PCDHA1: variants seen among roughly 807,000 people sequenced by gnomAD.
The protein encoded by PCDHA1 is protocadherin alpha-1.
In PCDHA1, 42 loss-of-function variants were observed where a neutral mutation model predicts 61.3. That is an observed-to-expected ratio of 0.69 (90% CI 0.54 to 0.89). PCDHA1 has a LOEUF of 0.89. Among genes scored for constraint, PCDHA1 ranks in the 40% least tolerant of loss-of-function variants. PCDHA1 has a pLI of 0.00. For missense variants in PCDHA1, 1,256 were observed against 1,235.3 expected, an observed-to-expected ratio of 1.02 and a Z score of -0.25; for synonymous variants, 610 against 553.8, an observed-to-expected ratio of 1.10 and a Z score of -1.43.
intron 1 of PCDHA1, chr5:140,927,539 A>G (rs1554204701): frequency 6.2e-7 from 1 of 1,614,112 alleles, no homozygotes; most frequent in Non-Finnish European, 8.5e-7. Flanking sequence ...CGCTCAGGAG[A>G]CGCACAAGTC....
intron 1 of PCDHA1, chr5:140,968,827 C>T (rs1398985109): frequency 1.2e-6 from 2 of 1,614,094 alleles, no homozygotes; most frequent in Non-Finnish European, 1.7e-6. Context: ...TTTCCAAAAT[C>T]CTCCCTGACA....
chr5:140,797,151 G>T, intron 1 of PCDHA1: 1 of 1,613,964 alleles, frequency 6.2e-7, no homozygotes, highest in Non-Finnish European at 8.5e-7. Context: ...CACCCACCGA[G>T]GGTGCGCGCG....
chr5:140,820,432 T>C lies in PCDHA1; in HGVS notation c.2394+31748T>C, dbSNP rs2150106881. Among the ~76,000 whole-genome samples, 49 of 152,136 alleles carry C rather than the reference T, an allele frequency of 3.2e-4. 1 individual carries two copies. The highest frequency in any genetic ancestry group is 2.6e-3 in the Admixed American group (40 of 15,288). On this transcript the variant is annotated intron_variant, in intron 1 of 3. Coordinates refer to ENST00000504120, the MANE Select transcript of PCDHA1 (RefSeq NM_018900.4). Reference sequence around the variant, plus strand: ...AATGTAAAAGTATCCAACAATAGAATTGCTAATCTCTTGGTCCCTCTTGTC... The same window carrying C: ...AATGTAAAAGTATCCAACAATAGAACTGCTAATCTCTTGGTCCCTCTTGTC...
chr5:140,925,641 TATAATA>T (rs10569930), intron 1 of PCDHA1, among the ~76,000 whole-genome samples: 8,694 of 143,320 alleles, frequency 0.061, 267 homozygotes, highest in Non-Finnish European at 0.068. Flanking sequence ...GAACTTAAAG[TATAATA>T]ATAATAATAA....
intron 1 of PCDHA1, chr5:140,849,874 A>G: frequency 6.3e-7 from 1 of 1,598,610 alleles, no homozygotes. Flanking sequence ...CAGTCCGAGT[A>G]CACGGTGTTC....
chr5:140,850,472 G>A (rs2150485623), intron 1 of PCDHA1: 1 of 1,598,076 alleles, frequency 6.3e-7, no homozygotes, highest in South Asian at 1.1e-5. Context: ...AGCCAGCGCT[G>A]ACGGCCACGG....
intron 1 of PCDHA1, chr5:140,841,776 T>C (rs2150322536): frequency 6.2e-7 from 1 of 1,613,906 alleles, no homozygotes; most frequent in Admixed American, 1.7e-5. Flanking sequence ...GACTCTCGGT[T>C]TCCGCTAGAG....
intron 1 of PCDHA1, among the ~76,000 whole-genome samples, chr5:140,975,986 G>C (rs1554237183): frequency 6.6e-6 from 1 of 152,112 alleles, no homozygotes; most frequent in East Asian, 1.9e-4. Context: ...ATAGTCCTGG[G>C]AGGTACCATC....
At chr5:140,969,436 A>G (rs1289383219) in intron 1 of PCDHA1, 2 of 1,549,954 alleles carry the variant, frequency 1.3e-6, no homozygotes, top group Non-Finnish European at 1.7e-6. Flanking sequence ...GACAAGAGTT[A>G]TCTGGTAAAC....
At chr5:140,871,125 G>A (rs1387416665) in intron 1 of PCDHA1, 1 of 1,613,330 alleles carries the variant, frequency 6.2e-7, no homozygotes. Context: ...GCGGACAGGC[G>A]CCAAAGGCCT....
intron 1 of PCDHA1, among the ~76,000 whole-genome samples, chr5:140,952,541 T>G (rs1554220493): frequency 6.6e-6 from 1 of 152,140 alleles, no homozygotes; most frequent in African/African-American, 2.4e-5. Flanking sequence ...CTGGACTTCT[T>G]TGTCCATTTC....
chr5:140,850,953 C>A (rs2150503765), intron 1 of PCDHA1: 2 of 1,483,986 alleles, frequency 1.3e-6, no homozygotes, highest in Non-Finnish European at 1.8e-6. Context: ...TTATCGATTA[C>A]TCCCAGGGGC....
intron 3 of PCDHA1, among the ~76,000 whole-genome samples, chr5:141,002,081 G>T (rs1016567220): frequency 3.3e-5 from 5 of 152,220 alleles, no homozygotes; most frequent in South Asian, 2.1e-4. Flanking sequence ...GCCAAAGAAC[G>T]AGCAGTCCAG....
intron 1 of PCDHA1, among the ~76,000 whole-genome samples, chr5:140,935,239 A>G (rs1554210410): frequency 1.3e-5 from 2 of 152,172 alleles, no homozygotes. Flanking sequence ...TCTATTTTTT[A>G]AAAGATAAAA....
intron 1 of PCDHA1, chr5:140,801,498 G>T (rs569133317): frequency 6.2e-7 from 1 of 1,614,170 alleles, no homozygotes; most frequent in South Asian, 1.1e-5. Context: ...GCGGAGCGCG[G>T]AGTGCAGCAT....
intron 1 of PCDHA1, chr5:140,870,411 C>T: frequency 6.2e-7 from 1 of 1,614,212 alleles, no homozygotes; most frequent in East Asian, 2.2e-5. Context: ...CTCTGTGGGC[C>T]ACGGCCAGGG....
rs1467294389 is a variant in PCDHA1 at position 140,851,714 on chromosome 5, C to T, written c.2394+63030C>T. ...TAAAATGATCAGCCATGTGAAGATT[C>T]GAAACTTCGAGTTCTTTTGAAATTC... On this transcript the variant is annotated intron_variant, in intron 1 of 3. Coordinates refer to ENST00000504120, the MANE Select transcript of PCDHA1 (RefSeq NM_018900.4). The T allele has an allele frequency of 2.3e-5, 22 of 961,800 alleles. 2 individuals are homozygous for T. The highest frequency in any genetic ancestry group is 9.6e-5 in the South Asian group (2 of 20,808). The allele number at this position is 961,800 out of a possible 1,614,324, so 59.6% of individuals were successfully genotyped here.
At chr5:140,936,512 A>G (rs575884793) in intron 1 of PCDHA1, among the ~76,000 whole-genome samples, 1 of 152,324 alleles carries the variant, frequency 6.6e-6, no homozygotes, top group Non-Finnish European at 1.5e-5. Context: ...TAGATCTTAA[A>G]TTACCTGAAA....
At chr5:140,997,329 T>C (rs1030113015) in intron 3 of PCDHA1, among the ~76,000 whole-genome samples, 1 of 152,228 alleles carries the variant, frequency 6.6e-6, no homozygotes, top group African/African-American at 2.4e-5. Context: ...AGTTTTTTCG[T>C]TGTACAAATA....
Sources: allele counts gnomAD v4.1 joint callset (sites outside exome capture counted in the v4.1 genomes callset), GRCh38; gene constraint gnomAD v4.1.1; transcripts MANE v1.5; gene names NCBI Gene and HGNC (gene_info 2026-07-23, HGNC 2026-07-21).